Variants in CNTN5 observed in about 807,000 individuals in gnomAD.
CNTN5 encodes the protein contactin-5.
Under a neutral mutation model 129.1 loss-of-function variants are expected in CNTN5, and 77 were observed. That is an observed-to-expected ratio of 0.60 (90% CI 0.50 to 0.72). The LOEUF (loss-of-function observed/expected upper bound fraction) is 0.72, where lower values mean the gene tolerates loss of function less well. Ranked by LOEUF, CNTN5 falls within the 30% of genes least tolerant of loss-of-function variation. The pLI is 0.00. For missense variants in CNTN5, 1,478 were observed against 1,328.8 expected, an observed-to-expected ratio of 1.11 and a Z score of -1.75; for synonymous variants, 509 against 465.6, an observed-to-expected ratio of 1.09 and a Z score of -1.20.
At chr11:100,131,673 G>C (rs1458725311) in intron 13 of CNTN5, among the ~76,000 whole-genome samples, 8 of 152,010 alleles carry the variant, frequency 5.3e-5, no homozygotes, top group African/African-American at 1.9e-4. Context: ...GAGGTAGGCG[G>C]GGAGAACAAA....
chr11:99,128,510 C>T (rs77642511), intron 1 of CNTN5, among the ~76,000 whole-genome samples: 13,489 of 152,256 alleles, frequency 0.089, 743 homozygotes, highest in South Asian at 0.12. Context: ...GAGCACGTGG[C>T]AGGAGGAGCG....
chr11:99,892,838 A>C (rs1407230347), intron 6 of CNTN5, among the ~76,000 whole-genome samples: 3 of 152,120 alleles, frequency 2.0e-5, no homozygotes, highest in Non-Finnish European at 4.4e-5. Flanking sequence ...TATGAAGTTT[A>C]AAGTAGTTTT....
intron 13 of CNTN5, among the ~76,000 whole-genome samples, chr11:100,173,645 T>G (rs1425872395): frequency 6.6e-6 from 1 of 152,004 alleles, no homozygotes; most frequent in Admixed American, 6.6e-5. Context: ...TGAAAGAAGT[T>G]TAGAAAAGAC....
intron 6 of CNTN5, among the ~76,000 whole-genome samples, chr11:99,884,557 A>C (rs2135873505): frequency 6.6e-6 from 1 of 152,316 alleles, no homozygotes; most frequent in African/African-American, 2.4e-5. Flanking sequence ...ATTCTCCAAA[A>C]CTCATAAGAA....
chr11:100,318,464 T>G (rs1951613728), intron 21 of CNTN5, among the ~76,000 whole-genome samples: 1 of 152,156 alleles, frequency 6.6e-6, no homozygotes, highest in Non-Finnish European at 1.5e-5. Flanking sequence ...GCAATTTATT[T>G]ATAATTGACA....
At position 99,905,273 on chromosome 11, in the gene CNTN5, G is replaced by T. The variant is rs143461475; in HGVS notation, c.578-10781G>T. On this transcript the variant is annotated intron_variant, in intron 6 of 24. Transcript: ENST00000524871. ...TCTTCAAGGGTTTTTGTGGTTTTAG[G>T]TCTTACGTTTAAGTCTTTAATCCAA... 1.3e-4 allele frequency among the ~76,000 whole-genome samples: 20 copies of T among 152,242 alleles called. 1 individual carries two copies. Among genetic ancestry groups the T allele is most frequent in the Non-Finnish European group, 2.1e-4 (14 of 68,006 alleles).
chr11:99,794,538 G>A (rs1174415235), intron 3 of CNTN5, among the ~76,000 whole-genome samples: 2 of 152,110 alleles, frequency 1.3e-5, no homozygotes, highest in Non-Finnish European at 2.9e-5. Context: ...GTATACTTAA[G>A]TGTGCTTTTG....
chr11:99,910,510 G>T (rs1263099941), intron 6 of CNTN5, among the ~76,000 whole-genome samples: 2 of 152,020 alleles, frequency 1.3e-5, no homozygotes, highest in Non-Finnish European at 2.9e-5. Flanking sequence ...CCTTATTGAA[G>T]ATTATTTTAA....
At chr11:99,926,148 CT>C (rs1483987640) in intron 7 of CNTN5, among the ~76,000 whole-genome samples, 1 of 152,146 alleles carries the variant, frequency 6.6e-6, no homozygotes, top group Admixed American at 6.6e-5. Flanking sequence ...GATAATCTGT[CT>C]TCAAAAACCC....
At chr11:99,085,788 T>C (rs11218354) in intron 1 of CNTN5, among the ~76,000 whole-genome samples, 65,666 of 151,980 alleles carry the variant, frequency 0.43, 14,340 homozygotes, top group Admixed American at 0.52. Context: ...GCCTCATACA[T>C]ATAGGAAGGT....
intron 13 of CNTN5, among the ~76,000 whole-genome samples, chr11:100,083,090 C>T (rs138427003): frequency 1.6e-3 from 244 of 151,970 alleles, no homozygotes; most frequent in African/African-American, 5.6e-3. Flanking sequence ...CTGAGGCAGG[C>T]GGATCACCTG....
intron 6 of CNTN5, among the ~76,000 whole-genome samples, chr11:99,909,730 A>G (rs929305567): frequency 1.3e-5 from 2 of 151,464 alleles, no homozygotes; most frequent in East Asian, 2.0e-4. Flanking sequence ...GAAACATCGC[A>G]TGTTCTCACT....
At chr11:100,302,020 G>C (rs753918748) in intron 20 of CNTN5, among the ~76,000 whole-genome samples, 2 of 151,528 alleles carry the variant, frequency 1.3e-5, no homozygotes, top group African/African-American at 2.4e-5. Context: ...TGCAAACTGA[G>C]TGAAAGAGTG....
At chr11:100,008,728 T>C (rs936541210) in intron 9 of CNTN5, among the ~76,000 whole-genome samples, 8 of 152,112 alleles carry the variant, frequency 5.3e-5, no homozygotes, top group Non-Finnish European at 1.2e-4. Flanking sequence ...CCTTTTTGGT[T>C]CCAAGTTTAA....
chr11:99,062,802 T>C lies in CNTN5; in HGVS notation c.-210+41532T>C, dbSNP rs556061043. 2.4e-4 allele frequency among the ~76,000 whole-genome samples: 36 copies of C among 152,244 alleles called. 1 individual carries two copies. Among genetic ancestry groups the C allele is most frequent in the African/African-American group, 6.3e-4 (26 of 41,572 alleles). On this transcript the variant is annotated intron_variant, in intron 1 of 24. Transcript: ENST00000524871. Reference sequence around the variant, plus strand: ...TAAAATGCCAGGAAGAATTTTTCTATTTACCCTCCTCCCACTCTTGATACA... The same window carrying C: ...TAAAATGCCAGGAAGAATTTTTCTACTTACCCTCCTCCCACTCTTGATACA...
intron 3 of CNTN5, among the ~76,000 whole-genome samples, chr11:99,703,223 T>TG (rs1400282899): frequency 5.7e-5 from 8 of 140,284 alleles, no homozygotes; most frequent in South Asian, 4.8e-4. Flanking sequence ...CAAAGGTATT[T>TG]GGGGTTTTTT....
chr11:99,411,570 G>C, intron 2 of CNTN5, among the ~76,000 whole-genome samples: 1 of 152,016 alleles, frequency 6.6e-6, no homozygotes, highest in East Asian at 1.9e-4. Flanking sequence ...TTAGAAAGAA[G>C]CTCTTTTTAT....
chr11:99,639,559 G>GTTTTTTTTTTTTTTTT (rs71050010), intron 3 of CNTN5, among the ~76,000 whole-genome samples: 1 of 70,320 alleles, frequency 1.4e-5, no homozygotes, highest in Non-Finnish European at 2.5e-5. Flanking sequence ...TCACCTTTAT[G>GTTTTTTTTTTTTTTTT]TTTTTTTTTT....
intron 2 of CNTN5, among the ~76,000 whole-genome samples, chr11:99,438,781 A>C (rs1272313737): frequency 6.6e-6 from 1 of 152,158 alleles, no homozygotes; most frequent in Non-Finnish European, 1.5e-5. Context: ...ATACATATGT[A>C]AGTTCATAAA....
Sources: allele counts gnomAD v4.1 joint callset (sites outside exome capture counted in the v4.1 genomes callset), GRCh38; gene constraint gnomAD v4.1.1; transcripts MANE v1.5; gene names NCBI Gene and HGNC (gene_info 2026-07-23, HGNC 2026-07-21).